Variants in UTP20 observed in about 807,000 individuals in gnomAD.
UTP20 encodes the protein small subunit processome component 20 homolog.
UTP20 carries 164 observed loss-of-function variants against 329.5 expected under a neutral mutation model. The observed-to-expected ratio is 0.50, with a 90% CI of 0.44 to 0.57. UTP20 has a LOEUF of 0.57. UTP20 is among the 20% of genes least tolerant of loss of function. The pLI, the probability that UTP20 is intolerant of heterozygous loss-of-function variation, is 0.00. For missense variants in UTP20, 3,055 were observed against 3,284.2 expected, an observed-to-expected ratio of 0.93 and a Z score of 1.71; for synonymous variants, 1,151 against 1,159.3, an observed-to-expected ratio of 0.99 and a Z score of 0.14.
intron 14 of UTP20, among the ~76,000 whole-genome samples, chr12:101,302,060 A>G (rs1176839914): frequency 6.6e-6 from 1 of 152,166 alleles, no homozygotes; most frequent in Non-Finnish European, 1.5e-5. Flanking sequence ...CCTCCTGAGT[A>G]GTTGGGACTA....
At chr12:101,317,446 A>G in intron 21 of UTP20, 32 bp from the exon 22 acceptor site, 1 of 1,608,060 alleles carries the variant, frequency 6.2e-7, no homozygotes, top group Non-Finnish European at 8.5e-7. Flanking sequence ...TGCGTTCTTC[A>G]TCAGTATCCT....
chr12:101,312,255 C>T lies in UTP20; in HGVS notation c.2531C>T (p.Pro844Leu), dbSNP rs746883525. 57 of 1,613,964 alleles carry T rather than the reference C, an allele frequency of 3.5e-5. No homozygotes were observed. The East Asian group carries it at 9.6e-4, about 27-fold the overall frequency. Residue 844 changes from proline (P) to leucine (L), a missense_variant, in exon 21 of 62, where the codon CCG becomes CTG. Transcript: ENST00000261637. ...RVEPRSRELS[P>L]LFLRFINNEY... ...GAGCCACGGTCCAGGGAGCTTTCCC[C>T]GCTTTTCTTGAGATTTATCAAGTAA...
intron 21 of UTP20, among the ~76,000 whole-genome samples, chr12:101,314,626 C>G (rs1182892927): frequency 1.3e-5 from 2 of 150,562 alleles, no homozygotes; most frequent in African/African-American, 2.5e-5. Context: ...TCACTGCACT[C>G]CAGCCTGGGC....
chr12:101,385,745 A>C lies in UTP20; in HGVS notation c.8202+17A>C. 6.2e-7 allele frequency: 1 copy of C among 1,606,870 alleles called. No homozygotes were observed. The highest frequency in any genetic ancestry group is 8.5e-7 in the Non-Finnish European group (1 of 1,177,890). ...GCCCTGGAGGTAAGTTTGCTCTTTG[A>C]AAATATGGCATGTTCACTGGACTTG... On this transcript the variant is annotated intron_variant, in intron 61 of 61. Transcript: ENST00000261637.
chr12:101,342,746 G>A lies in UTP20; in HGVS notation c.4246-41G>A, dbSNP rs779728339. The A allele has an allele frequency of 1.6e-5, 26 of 1,595,250 alleles. No individual in the cohort carries two copies. The South Asian group carries it at 3.0e-4, about 18-fold the overall frequency. ...AGGGGAGGAGGGCAGAAAAGTTAAA[G>A]TTTTATTCACTGATAAATACACTGT... On this transcript the variant is annotated intron_variant, in intron 33 of 61. Coordinates refer to ENST00000261637, the MANE Select transcript of UTP20 (RefSeq NM_014503.3).
At chr12:101,342,904 G>T (rs1343329101) in intron 34 of UTP20, 37 bp from the exon 35 acceptor site, 2 of 1,609,636 alleles carry the variant, frequency 1.2e-6, no homozygotes, top group Admixed American at 3.4e-5. Flanking sequence ...AGATTTATAT[G>T]CCTTCTTTTA....
At position 101,344,674 on chromosome 12, in the gene UTP20, C is replaced by G. The variant is rs1299194093; in HGVS notation, c.4529C>G (p.Thr1510Arg). The change falls in exon 36 of 62, where the codon ACA (threonine) becomes AGA (arginine). Residue 1510 changes from threonine (T) to arginine (R), a missense_variant. Thr to Arg is a moderately conservative substitution (Grantham distance 71). Coordinates refer to ENST00000261637, the MANE Select transcript of UTP20 (RefSeq NM_014503.3). The part of the protein sequence containing the change: ...IIKKLAALNV[T>R]EKDYREIIHR... ...AAAAAGCTAGCTGCCTTGAATGTCA[C>G]AGAGAAAGACTATAGAGAAATCATC... The G allele has an allele frequency of 6.2e-7, 1 of 1,604,612 alleles. No homozygotes were observed. The highest frequency in any genetic ancestry group is 2.2e-5 in the East Asian group (1 of 44,810).
intron 21 of UTP20, among the ~76,000 whole-genome samples, chr12:101,315,315 C>T (rs2137255621): frequency 6.6e-6 from 1 of 152,094 alleles, no homozygotes; most frequent in African/African-American, 2.4e-5. Context: ...GAAACCCTGT[C>T]TCTACCAAAA....
Position 101,338,797 on chromosome 12 carries a change from T to A in UTP20, c.3869-16T>A, listed in dbSNP as rs758389211. On this transcript the variant is annotated splice_polypyrimidine_tract_variant and intron_variant, in intron 30 of 61. Transcript: ENST00000261637. ...GAGAGTTTATTAAAATCAAATCAAATCACTATCTATTTCAGAGTCTATCAC... is the reference window on the plus strand; with the variant it reads ...GAGAGTTTATTAAAATCAAATCAAAACACTATCTATTTCAGAGTCTATCAC... 2 of 1,571,990 alleles carry A rather than the reference T, an allele frequency of 1.3e-6. No individual in the cohort carries two copies. The highest frequency in any genetic ancestry group is 1.7e-6 in the Non-Finnish European group (2 of 1,166,362).
intron 10 of UTP20, 59 bp downstream of exon 10, chr12:101,292,163 CCTT>C (rs775563988): frequency 8.5e-5 from 132 of 1,549,414 alleles, no homozygotes; most frequent in Middle Eastern, 3.4e-4. Context: ...CATTGAGTAA[CCTT>C]CTGAGGAATA....
At chr12:101,374,063 G>A (rs936626218) in intron 54 of UTP20, among the ~76,000 whole-genome samples, 12 of 151,636 alleles carry the variant, frequency 7.9e-5, no homozygotes, top group East Asian at 3.9e-4. Context: ...GTGAAACCCC[G>A]TCTCTACTAA....
chr12:101,331,088 T>G (rs1868743655), intron 27 of UTP20, among the ~76,000 whole-genome samples: 1 of 152,210 alleles, frequency 6.6e-6, no homozygotes, highest in Non-Finnish European at 1.5e-5. Context: ...TAAGCAACAG[T>G]GTAACTTGTA....
chr12:101,367,260 G>T (rs1382747556), intron 47 of UTP20, among the ~76,000 whole-genome samples: 6 of 151,548 alleles, frequency 4.0e-5, no homozygotes, highest in Non-Finnish European at 8.8e-5. Context: ...ACTCCAATAT[G>T]GACAATATAG....
At chr12:101,311,050 G>A (rs887532057) in intron 19 of UTP20, among the ~76,000 whole-genome samples, 2 of 152,202 alleles carry the variant, frequency 1.3e-5, no homozygotes, top group African/African-American at 2.4e-5. Flanking sequence ...CTGTCTTCCT[G>A]TTGGGTACCT....
chr12:101,362,535 C>T lies in UTP20; in HGVS notation c.5790+475C>T. On this transcript the variant is annotated intron_variant, in intron 44 of 61. Coordinates refer to ENST00000261637, the MANE Select transcript of UTP20 (RefSeq NM_014503.3). ...CCTGGCCAACATGGTGAAACCCCGT[C>T]TCTAAGAAAAATACAAAAACTAGCC... Among the ~76,000 whole-genome samples the T allele has an allele frequency of 2.0e-5, 2 of 102,036 alleles. 1 individual carries two copies. Among genetic ancestry groups the T allele is most frequent in the African/African-American group, 2.7e-4 (2 of 7,502 alleles). 66.9% of individuals were successfully genotyped at this position (102,036 alleles called of 152,430 possible).
intron 6 of UTP20, 173 bp from the exon 7 acceptor site, chr12:101,289,964 C>A: frequency 2.4e-6 from 1 of 416,482 alleles, no homozygotes; most frequent in Non-Finnish European, 4.0e-6. Flanking sequence ...TGTGACATTC[C>A]AAGTGAGAAC....
Position 101,373,700 on chromosome 12 carries a change from G to A in UTP20, c.7064G>A (p.Gly2355Asp). The change falls in exon 54 of 62, where the codon GGT becomes GAT. Residue 2355 changes from glycine to aspartate, a missense_variant. By Grantham distance (94) the Gly-to-Asp change is moderately conservative (BLOSUM62 -1). Coordinates refer to ENST00000261637, the MANE Select transcript of UTP20 (RefSeq NM_014503.3). ...TCCATGACAATCAAGTCCCTACTTG[G>A]TAAAATCAGCCTCGAGAAAAAAGAT... ...MASMTIKSLL[G>D]KISLEKKDWL... 6.2e-7 allele frequency: 1 copy of A among 1,612,430 alleles called. No homozygotes were observed. The highest frequency in any genetic ancestry group is 1.1e-5 in the South Asian group (1 of 90,394).
chr12:101,321,185 A>G lies in UTP20; in HGVS notation c.2915+248A>G, dbSNP rs1868363859. On this transcript the variant is annotated intron_variant, in intron 24 of 61. Coordinates refer to ENST00000261637, the MANE Select transcript of UTP20 (RefSeq NM_014503.3). The stretch of plus-strand genomic sequence containing the variant: ...ATTATGTCATTTTCCTCTTCTTATT[A>G]ATATAATGCCATAGAATCTTGGTGG... Among the ~76,000 whole-genome samples the G allele has an allele frequency of 2.0e-5, 3 of 152,302 alleles. No homozygotes were observed. The South Asian group carries it at 6.2e-4, about 32-fold the overall frequency.
chr12:101,375,521 G>A lies in UTP20; in HGVS notation c.7264-103G>A, dbSNP rs958845608. On this transcript the variant is annotated intron_variant, in intron 55 of 61. Coordinates refer to ENST00000261637, the MANE Select transcript of UTP20 (RefSeq NM_014503.3). The stretch of plus-strand genomic sequence containing the variant: ...TCTGGCCCACAATGTCAGGAGTGCC[G>A]AGGGAGGTTCAGAAACGGGTGGATT... 84 of 1,216,788 alleles carry A rather than the reference G, an allele frequency of 6.9e-5. 1 individual carries two copies. The highest frequency in any genetic ancestry group is 5.6e-5 in the Non-Finnish European group (48 of 856,230). The allele number at this position is 1,216,788 out of a possible 1,614,324, so 75.4% of individuals were successfully genotyped here. A position where few individuals can be genotyped will look rare whatever the true frequency, so the allele number is the denominator to read the frequency against.
Sources: allele counts gnomAD v4.1 joint callset (sites outside exome capture counted in the v4.1 genomes callset), GRCh38; gene constraint gnomAD v4.1.1; transcripts MANE v1.5; gene names NCBI Gene and HGNC (gene_info 2026-07-23, HGNC 2026-07-21).